The following XIRP2 variants were observed in gnomAD, a reference collection of about 807,000 sequenced individuals.
XIRP2 encodes the protein xin actin-binding repeat-containing protein 2.
A neutral mutation model predicts 277.0 loss-of-function variants in XIRP2; 236 were observed. The ratio of observed to expected loss-of-function variants is 0.85; its 90% CI spans 0.77 to 0.95. The LOEUF is 0.95. XIRP2 is among the 40% of genes least tolerant of loss of function. The probability of loss-of-function intolerance (pLI) is 0.00; values close to 1 mark genes in which losing one functional copy is unlikely to be tolerated. For synonymous variants in XIRP2, 1,490 were observed against 1,416.5 expected, an observed-to-expected ratio of 1.05 and a Z score of -1.17; for missense variants, 4,640 against 4,157.5, an observed-to-expected ratio of 1.12 and a Z score of -3.19.
chr2:167,243,424 G>GT lies in XIRP2; in HGVS notation c.2033dup (p.Thr679AsnfsTer4), dbSNP rs778919805. The stretch of plus-strand genomic sequence containing the variant: ...GCATCAAAGTCAAGAAGAATCAGCG[G>GT]TAACTATCAGTAAGGACATAACTGG... On this transcript the variant is annotated frameshift_variant, in exon 9 of 11. Transcript: ENST00000409195. LOFTEE classifies it high-confidence loss of function. 2 of 1,614,028 alleles carry GT rather than the reference G, an allele frequency of 1.2e-6. No homozygotes were observed. The highest frequency in any genetic ancestry group is 1.7e-6 in the Non-Finnish European group (2 of 1,179,970).
At chr2:167,178,181 G>T (rs1474422914) in intron 3 of XIRP2, among the ~76,000 whole-genome samples, 2 of 151,986 alleles carry the variant, frequency 1.3e-5, no homozygotes, top group Non-Finnish European at 2.9e-5. Context: ...TGTATACAGA[G>T]AACATTTCAG....
At chr2:166,935,282 T>G (rs1010762191) in intron 2 of XIRP2, among the ~76,000 whole-genome samples, 1 of 152,168 alleles carries the variant, frequency 6.6e-6, no homozygotes, top group Non-Finnish European at 1.5e-5. Context: ...AATGCAATAT[T>G]TAAAACCATA....
chr2:167,117,059 G>A (rs1419940530), intron 2 of XIRP2, among the ~76,000 whole-genome samples: 1 of 152,140 alleles, frequency 6.6e-6, no homozygotes, highest in South Asian at 2.1e-4. Context: ...GTTAGAAAAT[G>A]CCTCTTGATA....
rs1695387054 is a variant in XIRP2, at chr2:167,249,209, C to T, written c.7817C>T (p.Thr2606Ile). The change falls in exon 9 of 11, where the codon ACT (threonine) becomes ATT (isoleucine). Residue 2606 changes from threonine to isoleucine, a missense_variant. Coordinates refer to ENST00000409195, the MANE Select transcript of XIRP2 (RefSeq NM_152381.6). The part of the protein sequence containing the change: ...VSLSGIDSEC[T>I]VVQPSPGSQS... ...CTATCTGGAATTGATTCAGAATGCA[C>T]TGTGGTTCAACCCAGCCCAGGCTCT... 1 of 1,613,696 alleles carries T rather than the reference C, an allele frequency of 6.2e-7. No homozygotes were observed. Among genetic ancestry groups the T allele is most frequent in the African/African-American group, 1.3e-5 (1 of 74,984 alleles).
chr2:167,119,749 T>C (rs565307501), intron 2 of XIRP2, among the ~76,000 whole-genome samples: 1 of 152,316 alleles, frequency 6.6e-6, no homozygotes, highest in East Asian at 1.9e-4. Flanking sequence ...ATTCAGAAGA[T>C]TGTAAAATTC....
chr2:166,892,431 A>C (rs1348086068), intron 1 of XIRP2, among the ~76,000 whole-genome samples: 1 of 152,154 alleles, frequency 6.6e-6, no homozygotes, highest in African/African-American at 2.4e-5. Context: ...TTCATGAAAA[A>C]AGTCAATTGC....
intron 2 of XIRP2, among the ~76,000 whole-genome samples, chr2:166,908,724 T>C (rs1386287231): frequency 6.6e-6 from 1 of 152,264 alleles, no homozygotes; most frequent in Non-Finnish European, 1.5e-5. Flanking sequence ...GCCTAGGTTT[T>C]CTTCTAGGGT....
At chr2:167,255,546 G>T (rs1387944025) in intron 10 of XIRP2, among the ~76,000 whole-genome samples, 2 of 151,790 alleles carry the variant, frequency 1.3e-5, no homozygotes, top group African/African-American at 4.8e-5. Context: ...CCCATAGCAA[G>T]TATCATCTAT....
At chr2:167,032,427 G>C (rs1301185084) in intron 2 of XIRP2, among the ~76,000 whole-genome samples, 1 of 151,972 alleles carries the variant, frequency 6.6e-6, no homozygotes, top group Non-Finnish European at 1.5e-5. Flanking sequence ...AGCAACTGCA[G>C]AAAAAGCCAA....
intron 2 of XIRP2, among the ~76,000 whole-genome samples, chr2:167,086,260 G>A (rs1409018730): frequency 6.6e-6 from 1 of 152,112 alleles, no homozygotes; most frequent in African/African-American, 2.4e-5. Context: ...TAAGAATGTT[G>A]GATATTGGCC....
At position 166,925,751 on chromosome 2, in the gene XIRP2, G is replaced by A. The variant is rs111410023; in HGVS notation, c.408+21861G>A. On this transcript the variant is annotated intron_variant, in intron 2 of 10. Transcript: ENST00000409195. ...ATAGGCACAGGGGCAAGTGTGCAATGAATATTTGTTCAATAAATAAATCCT... is the reference window on the plus strand; with the variant it reads ...ATAGGCACAGGGGCAAGTGTGCAATAAATATTTGTTCAATAAATAAATCCT... Among the ~76,000 whole-genome samples, 778 of 151,554 alleles carry A rather than the reference G, an allele frequency of 5.1e-3. 5 individuals are homozygous for A. Among genetic ancestry groups the A allele is most frequent in the African/African-American group, 0.018 (735 of 41,314 alleles).
intron 2 of XIRP2, among the ~76,000 whole-genome samples, chr2:167,055,070 G>A (rs1400287090): frequency 1.3e-5 from 2 of 152,110 alleles, no homozygotes; most frequent in Non-Finnish European, 2.9e-5. Flanking sequence ...ATGCATCTGT[G>A]GTCTTGAAGT....
intron 2 of XIRP2, among the ~76,000 whole-genome samples, chr2:167,059,338 G>A (rs1386614174): frequency 5.3e-5 from 8 of 150,836 alleles, no homozygotes; most frequent in African/African-American, 1.7e-4. Context: ...GGCTGGTCTC[G>A]AACTCCTGAC....
Position 167,251,332 on chromosome 2 carries a change from G to A in XIRP2, c.9940G>A (p.Ala3314Thr). The change falls in exon 9 of 11, where the codon GCG (alanine) becomes ACG (threonine). Residue 3314 changes from alanine (A) to threonine (T), a missense_variant. Coordinates refer to ENST00000409195, the MANE Select transcript of XIRP2 (RefSeq NM_152381.6). ...RLSEHTQRYE[A>T]ANRTVQMAEN... ...GTCAGAGCACACACAGAGATATGAA[G>A]CGGCCAACCGAACTGTTCAAATGGC... The A allele has an allele frequency of 1.9e-6, 3 of 1,613,618 alleles. No homozygotes were observed. Among genetic ancestry groups the A allele is most frequent in the Non-Finnish European group, 2.5e-6 (3 of 1,179,720 alleles).
Position 167,254,048 on chromosome 2 carries a change from A to T in XIRP2, c.10572A>T (p.Arg3524Ser). 6.3e-7 allele frequency: 1 copy of T among 1,593,968 alleles called. No individual in the cohort carries two copies. Among genetic ancestry groups the T allele is most frequent in the Admixed American group, 1.7e-5 (1 of 57,432 alleles). Residue 3524 changes from arginine to serine, a missense_variant, in exon 10 of 11, where the codon AGA becomes AGT. Arg to Ser is a moderately radical substitution (Grantham distance 110, BLOSUM62 -1). Coordinates refer to ENST00000409195, the MANE Select transcript of XIRP2 (RefSeq NM_152381.6). ...SAFISEAAAP[R>S]QGNMYTLSKD... ...TATTTTTAGAAGCTGCTGCTCCAAG[A>T]CAAGGAAATATGTATACTTTGTCAA... is the stretch of plus-strand genomic sequence containing the variant.
chr2:167,243,017 C>G lies in XIRP2; in HGVS notation c.1625C>G (p.Ala542Gly). Residue 542 changes from alanine to glycine, a missense_variant, in exon 9 of 11, where the codon GCC becomes GGC. Physicochemically the swap from Ala to Gly is moderately conservative, Grantham distance 60. Coordinates refer to ENST00000409195, the MANE Select transcript of XIRP2 (RefSeq NM_152381.6). ...GSSVSADVQQ[A>G]RYVFENTNDS... ...TCAGTCTCAGCAGATGTGCAACAAG[C>G]CCGGTATGTTTTTGAAAACACAAAT... 1 of 1,613,934 alleles carries G rather than the reference C, an allele frequency of 6.2e-7. No individual in the cohort carries two copies. The highest frequency in any genetic ancestry group is 8.5e-7 in the Non-Finnish European group (1 of 1,179,952).
intron 3 of XIRP2, among the ~76,000 whole-genome samples, chr2:167,137,557 T>A (rs1691590332): frequency 6.6e-6 from 1 of 152,148 alleles, no homozygotes; most frequent in Admixed American, 6.5e-5. Context: ...ACTCATCACA[T>A]CTTACTTCTC....
chr2:166,900,815 G>C lies in XIRP2; in HGVS notation c.-18-2650G>C, dbSNP rs528124283. On this transcript the variant is annotated intron_variant, in intron 1 of 10. Transcript: ENST00000409195. ...ATGATGAAGAAAGTTCTAGTTACCA[G>C]CTCTGTCCTCTGACACACAAAGGGA... Among the ~76,000 whole-genome samples, 9 of 152,204 alleles carry C rather than the reference G, an allele frequency of 5.9e-5. No individual in the cohort carries two copies. In the South Asian group the frequency reaches 1.9e-3, roughly 32 times the overall value.
At chr2:166,977,808 T>G (rs1308340758) in intron 2 of XIRP2, among the ~76,000 whole-genome samples, 8 of 152,130 alleles carry the variant, frequency 5.3e-5, no homozygotes, top group Non-Finnish European at 1.0e-4. Context: ...AGATAGCAAT[T>G]TTCATAATTC....
Sources: allele counts gnomAD v4.1 joint callset (sites outside exome capture counted in the v4.1 genomes callset), GRCh38; gene constraint gnomAD v4.1.1; transcripts MANE v1.5; gene names NCBI Gene and HGNC (gene_info 2026-07-23, HGNC 2026-07-21).